The following FHOD3 variants were observed in gnomAD, a reference collection of about 807,000 sequenced individuals.
The protein encoded by FHOD3 is formin homology 2 domain containing 3, also known as FH1/FH2 domain-containing protein 3.
FHOD3 carries 90 observed loss-of-function variants against 173.0 expected under a neutral mutation model. The observed-to-expected ratio is 0.52, with a 90% CI of 0.44 to 0.62. The LOEUF (loss-of-function observed/expected upper bound fraction) is 0.62, where lower values mean the gene tolerates loss of function less well. Ranked by LOEUF, FHOD3 falls within the 20% of genes least tolerant of loss-of-function variation. FHOD3 has a pLI of 0.00. For missense variants in FHOD3, 1,945 were observed against 2,034.7 expected (o/e 0.96, Z 0.85); for synonymous variants, 828 against 823.0 (o/e 1.01, Z -0.10).
intron 3 of FHOD3, among the ~76,000 whole-genome samples, chr18:36,385,281 T>C (rs974036604): frequency 6.6e-6 from 1 of 152,244 alleles, no homozygotes; most frequent in African/African-American, 2.4e-5. Context: ...AAAATTTTAC[T>C]TGTTCTTACA....
At chr18:36,576,681 C>A in intron 6 of FHOD3, 136 bp downstream of exon 6, 1 of 553,412 alleles carries the variant, frequency 1.8e-6, no homozygotes, top group South Asian at 3.0e-5. Flanking sequence ...AGGATTACTA[C>A]TCTACAAATT....
Position 36,730,840 on chromosome 18 carries a change from A to C in FHOD3, c.3576+36A>C, listed in dbSNP as rs374059148. 3.1e-6 allele frequency: 5 copies of C among 1,599,546 alleles called. No individual in the cohort carries two copies. The East Asian group carries it at 1.1e-4, about 36-fold the overall frequency. On this transcript the variant is annotated intron_variant, in intron 20 of 28. Coordinates refer to ENST00000590592, the MANE Select transcript of FHOD3 (RefSeq NM_001281740.3). Reference sequence around the variant, plus strand: ...CTCTATTAAGCATTATTTGTATTTTATCTTATACTGCATGTATAATATGCT... The same window carrying C: ...CTCTATTAAGCATTATTTGTATTTTCTCTTATACTGCATGTATAATATGCT...
chr18:36,769,803 C>T (rs1451404462), intron 28 of FHOD3, among the ~76,000 whole-genome samples: 1 of 152,148 alleles, frequency 6.6e-6, no homozygotes, highest in Non-Finnish European at 1.5e-5. Context: ...TTCTGCCCTG[C>T]ACCCAGCACC....
intron 1 of FHOD3, among the ~76,000 whole-genome samples, chr18:36,311,148 C>T (rs2092246629): frequency 6.6e-6 from 1 of 151,806 alleles, no homozygotes; most frequent in Non-Finnish European, 1.5e-5. Flanking sequence ...ACTGAAAGGC[C>T]ACCTGTGTAG....
intron 18 of FHOD3, among the ~76,000 whole-genome samples, chr18:36,715,739 T>C (rs2040414167): frequency 6.6e-6 from 1 of 152,164 alleles, no homozygotes; most frequent in East Asian, 1.9e-4. Flanking sequence ...AGAGCTGTGA[T>C]GAAAAATAAA....
At chr18:36,524,498 T>C (rs1173470721) in intron 5 of FHOD3, among the ~76,000 whole-genome samples, 1 of 151,828 alleles carries the variant, frequency 6.6e-6, no homozygotes, top group African/African-American at 2.4e-5. Flanking sequence ...CACCAGGGAG[T>C]TGGACTCATT....
At chr18:36,563,197 TC>T (rs1187440179) in intron 5 of FHOD3, among the ~76,000 whole-genome samples, 30 of 152,218 alleles carry the variant, frequency 2.0e-4, no homozygotes, top group African/African-American at 6.8e-4. Flanking sequence ...TAGCATGTAC[TC>T]TTAATTGTTT....
intron 6 of FHOD3, among the ~76,000 whole-genome samples, chr18:36,577,434 G>C (rs1433230284): frequency 1.3e-5 from 2 of 152,092 alleles, no homozygotes; most frequent in East Asian, 3.9e-4. Flanking sequence ...CCAAGTAGGT[G>C]GGATTAAAGG....
intron 14 of FHOD3, among the ~76,000 whole-genome samples, chr18:36,658,880 C>A (rs1016072776): frequency 2.0e-5 from 3 of 152,192 alleles, no homozygotes; most frequent in African/African-American, 7.2e-5. Context: ...GCCAATTACA[C>A]CAACCCATAC....
In FHOD3 at chr18:36,760,537, C is replaced by T. The variant is rs539269560; in HGVS notation, c.4450-71C>T. The stretch of plus-strand genomic sequence containing the variant: ...GAGGAGAGGAGCTTTTCCTCAACCA[C>T]GGGTTTTAGAAGCTTGAGTTGTCTT... On this transcript the variant is annotated intron_variant, in intron 26 of 28. Coordinates refer to ENST00000590592, the MANE Select transcript of FHOD3 (RefSeq NM_001281740.3). 1.6e-5 allele frequency: 22 copies of T among 1,389,670 alleles called. No individual in the cohort carries two copies. In the South Asian group the frequency reaches 2.3e-4, roughly 15 times the overall value. The allele number at this position is 1,389,670 out of a possible 1,614,324, so 86.1% of individuals were successfully genotyped here.
intron 15 of FHOD3, among the ~76,000 whole-genome samples, chr18:36,686,388 G>A (rs1398261955): frequency 2.0e-5 from 3 of 151,164 alleles, no homozygotes; most frequent in Admixed American, 6.6e-5. Context: ...TTACTCATAA[G>A]TGGGAGCTGA....
At chr18:36,456,176 G>A (rs1019530681) in intron 3 of FHOD3, among the ~76,000 whole-genome samples, 5 of 152,068 alleles carry the variant, frequency 3.3e-5, no homozygotes, top group Non-Finnish European at 7.4e-5. Context: ...CTGGGCCCCT[G>A]GTGCAATTAT....
chr18:36,561,236 G>T (rs1363029816), intron 5 of FHOD3, among the ~76,000 whole-genome samples: 1 of 152,202 alleles, frequency 6.6e-6, no homozygotes, highest in Non-Finnish European at 1.5e-5. Context: ...TATAAGGATG[G>T]CAAAACAATT....
intron 1 of FHOD3, among the ~76,000 whole-genome samples, chr18:36,339,227 G>T (rs1439064512): frequency 6.6e-6 from 1 of 152,128 alleles, no homozygotes; most frequent in Non-Finnish European, 1.5e-5. Context: ...GGGATGGCAA[G>T]GGCACTGGGC....
intron 9 of FHOD3, among the ~76,000 whole-genome samples, chr18:36,618,617 T>C (rs1026651375): frequency 6.6e-6 from 1 of 152,100 alleles, no homozygotes; most frequent in Admixed American, 6.5e-5. Flanking sequence ...TGGCCAATGA[T>C]GTGTTCTTTT....
At chr18:36,665,866 T>C (rs1454404370) in intron 14 of FHOD3, among the ~76,000 whole-genome samples, 2 of 152,050 alleles carry the variant, frequency 1.3e-5, no homozygotes, top group South Asian at 2.1e-4. Context: ...TTCCAGGAGA[T>C]TGGCAAATTG....
At chr18:36,765,997 G>C (rs1270061476) in intron 27 of FHOD3, among the ~76,000 whole-genome samples, 1 of 151,900 alleles carries the variant, frequency 6.6e-6, no homozygotes, top group East Asian at 1.9e-4. Flanking sequence ...TCCAAGAAGA[G>C]TAAGTACAAA....
At chr18:36,611,554 T>C (rs1482505004) in intron 8 of FHOD3, among the ~76,000 whole-genome samples, 2 of 152,210 alleles carry the variant, frequency 1.3e-5, no homozygotes, top group African/African-American at 4.8e-5. Context: ...GAGCTAAGCC[T>C]TCTTTTAAAG....
chr18:36,458,470 G>T (rs1041590258), intron 3 of FHOD3, among the ~76,000 whole-genome samples: 2 of 152,016 alleles, frequency 1.3e-5, no homozygotes, highest in Non-Finnish European at 2.9e-5. Flanking sequence ...GCATATCATG[G>T]GTTGCCACAG....
Sources: gnomAD v4.1 joint callset for allele counts (sites outside exome capture counted in the v4.1 genomes callset) on GRCh38, gnomAD v4.1.1 for gene constraint, MANE v1.5 for transcripts, NCBI Gene and HGNC (gene_info 2026-07-23, HGNC 2026-07-21) for gene names.